ITGA1: variants seen among roughly 807,000 people sequenced by gnomAD.
ITGA1 encodes the protein integrin alpha-1.
Under a neutral mutation model 145.9 loss-of-function variants are expected in ITGA1, and 85 were observed. That is an observed-to-expected ratio of 0.58 (90% CI 0.49 to 0.70). The LOEUF is 0.70. ITGA1 is among the 30% of genes least tolerant of loss of function. The pLI is 0.00. For synonymous variants in ITGA1, 520 were observed against 495.3 expected (o/e 1.05, Z -0.66); for missense variants, 1,351 against 1,418.7 (o/e 0.95, Z 0.77).
At chr5:52,917,097 T>C (rs1438214521) in intron 15 of ITGA1, among the ~76,000 whole-genome samples, 1 of 152,072 alleles carries the variant, frequency 6.6e-6, no homozygotes, top group African/African-American at 2.4e-5. Flanking sequence ...TGACAGATGA[T>C]AGGAAAAACG....
At chr5:52,808,676 C>CTTTCTT (rs1554041033) in intron 1 of ITGA1, among the ~76,000 whole-genome samples, 3,402 of 69,594 alleles carry the variant, frequency 0.049, 112 homozygotes, top group African/African-American at 0.15. Flanking sequence ...TTCTTTCTTT[C>CTTTCTT]TTTTTTTTTT....
intron 1 of ITGA1, among the ~76,000 whole-genome samples, chr5:52,806,643 CAT>C (rs1180953267): frequency 7.9e-5 from 12 of 152,058 alleles, no homozygotes; most frequent in African/African-American, 2.7e-4. Flanking sequence ...TTCTCATCCA[CAT>C]GTTACACTAT....
At chr5:52,905,978 T>C (rs1467266283) in intron 12 of ITGA1, 70 bp downstream of exon 12, 1 of 1,398,740 alleles carries the variant, frequency 7.1e-7, no homozygotes, top group Non-Finnish European at 9.8e-7. Context: ...CTGTCTATTG[T>C]CCTAAACTTA....
chr5:52,801,899 T>C, intron 1 of ITGA1: 1 of 1,300,402 alleles, frequency 7.7e-7, no homozygotes, highest in East Asian at 2.3e-5. Flanking sequence ...AGTACATTTC[T>C]CAGCATCCTT....
intron 15 of ITGA1, among the ~76,000 whole-genome samples, chr5:52,917,474 A>G (rs563203388): frequency 6.6e-6 from 1 of 151,612 alleles, no homozygotes; most frequent in Admixed American, 6.5e-5. Flanking sequence ...CTATACTCAG[A>G]AACCTTTTTT....
intron 28 of ITGA1, among the ~76,000 whole-genome samples, chr5:52,950,074 T>C (rs1405772439): frequency 6.6e-6 from 1 of 152,232 alleles, no homozygotes; most frequent in Non-Finnish European, 1.5e-5. Flanking sequence ...AAATTAAAGC[T>C]TGACAAAGTG....
intron 20 of ITGA1, among the ~76,000 whole-genome samples, chr5:52,928,116 C>T (rs950201205): frequency 6.6e-6 from 1 of 152,122 alleles, no homozygotes; most frequent in Admixed American, 6.6e-5. Context: ...TTATAAAATG[C>T]TTGGTATAAG....
intron 11 of ITGA1, chr5:52,902,628 C>A (rs572367802): frequency 1.4e-4 from 22 of 151,978 alleles, no homozygotes; most frequent in African/African-American, 5.3e-4. Context: ...GGCTGGAGTG[C>A]AGTGGCATGA....
At chr5:52,906,537 A>G (rs1044252216) in intron 12 of ITGA1, among the ~76,000 whole-genome samples, 28 of 152,246 alleles carry the variant, frequency 1.8e-4, no homozygotes, top group African/African-American at 6.5e-4. Flanking sequence ...TGAAAGAAAC[A>G]TCGTAAATAT....
intron 1 of ITGA1, among the ~76,000 whole-genome samples, chr5:52,838,047 G>A (rs1167384823): frequency 2.6e-5 from 4 of 152,086 alleles, no homozygotes; most frequent in African/African-American, 9.7e-5. Flanking sequence ...GCGTTTTCAG[G>A]TGAATAACAA....
At chr5:52,888,651 A>C (rs1052974203) in intron 8 of ITGA1, among the ~76,000 whole-genome samples, 1 of 152,234 alleles carries the variant, frequency 6.6e-6, no homozygotes, top group Non-Finnish European at 1.5e-5. Flanking sequence ...CAAGTTCTGA[A>C]ATAAAAAGTT....
intron 1 of ITGA1, chr5:52,800,764 C>A (rs1396743847): frequency 6.2e-7 from 1 of 1,614,152 alleles, no homozygotes; most frequent in Non-Finnish European, 8.5e-7. Context: ...GGTACTGGAG[C>A]GCATCGAGCA....
At chr5:52,818,390 T>G (rs1748811838) in intron 1 of ITGA1, among the ~76,000 whole-genome samples, 1 of 152,190 alleles carries the variant, frequency 6.6e-6, no homozygotes. Flanking sequence ...AATACTGAAA[T>G]TTGATTCAGA....
chr5:52,826,454 G>T (rs965278416), intron 1 of ITGA1, among the ~76,000 whole-genome samples: 1 of 152,238 alleles, frequency 6.6e-6, no homozygotes, highest in Non-Finnish European at 1.5e-5. Context: ...TTATCCAGAA[G>T]ATCTAGCTAA....
At chr5:52,800,012 C>T (rs1169789042) in intron 1 of ITGA1, 1 of 279,062 alleles carries the variant, frequency 3.6e-6, no homozygotes, top group East Asian at 9.7e-5. Flanking sequence ...TGCGCCTGCG[C>T]ACGCGCGAAC....
chr5:52,883,384 A>G (rs559908797), intron 7 of ITGA1, among the ~76,000 whole-genome samples: 3 of 152,178 alleles, frequency 2.0e-5, no homozygotes, highest in African/African-American at 7.2e-5. Flanking sequence ...CCATGTCCCT[A>G]TGTGTTTTTT....
chr5:52,926,210 C>T (rs903949433), intron 19 of ITGA1, among the ~76,000 whole-genome samples: 5 of 152,052 alleles, frequency 3.3e-5, no homozygotes, highest in Admixed American at 6.6e-5. Flanking sequence ...ATTTCATGGA[C>T]GTTTCTCTCT....
chr5:52,923,667 A>G (rs1396162165), intron 18 of ITGA1, among the ~76,000 whole-genome samples: 1 of 152,164 alleles, frequency 6.6e-6, no homozygotes, highest in African/African-American at 2.4e-5. Context: ...CAATCCTTCT[A>G]ATTTCCTATT....
In ITGA1 at chr5:52,864,445, A is replaced by G. The variant is rs1277295061; in HGVS notation, c.296-318A>G. Among the ~76,000 whole-genome samples, 3 of 152,178 alleles carry G rather than the reference A, an allele frequency of 2.0e-5. No homozygotes were observed. The East Asian group carries it at 5.8e-4, about 29-fold the overall frequency. On this transcript the variant is annotated intron_variant, in intron 3 of 28. Coordinates refer to ENST00000282588, the MANE Select transcript of ITGA1 (RefSeq NM_181501.2). ...AGTTATAAGATTACATTATATCTAC[A>G]GTATTATGAGATTAAAAACTTTGCT...
Sources: allele counts gnomAD v4.1 joint callset (sites outside exome capture counted in the v4.1 genomes callset), GRCh38; gene constraint gnomAD v4.1.1; transcripts MANE v1.5; gene names NCBI Gene and HGNC (gene_info 2026-07-23, HGNC 2026-07-21).